Variants in PLPPR1 observed in about 807,000 individuals in gnomAD.
PLPPR1 encodes phospholipid phosphatase-related protein type 1.
A neutral mutation model predicts 33.1 loss-of-function variants in PLPPR1; 10 were observed. That is an observed-to-expected ratio of 0.30 (90% CI 0.19 to 0.51). PLPPR1 has a LOEUF of 0.51. Among genes scored for constraint, PLPPR1 ranks in the 20% least tolerant of loss-of-function variants. The pLI, the probability that PLPPR1 is intolerant of heterozygous loss-of-function variation, is 0.97. For missense variants in PLPPR1, 304 were observed against 408.1 expected, an observed-to-expected ratio of 0.74 and a Z score of 2.20; for synonymous variants, 151 against 151.0, an observed-to-expected ratio of 1.00 and a Z score of 0.00.
intron 1 of PLPPR1, among the ~76,000 whole-genome samples, chr9:101,112,599 C>G (rs577967183): frequency 6.6e-6 from 1 of 152,310 alleles, no homozygotes; most frequent in South Asian, 2.1e-4. Context: ...ACATGCAGAA[C>G]CCCCACATGA....
chr9:101,253,794 CA>C (rs1219778173), intron 2 of PLPPR1, among the ~76,000 whole-genome samples: 9 of 152,072 alleles, frequency 5.9e-5, no homozygotes, highest in African/African-American at 2.2e-4. Flanking sequence ...GTATGTGGTT[CA>C]GTCATTTGAT....
intron 6 of PLPPR1, among the ~76,000 whole-genome samples, chr9:101,317,111 C>CT (rs1829068912): frequency 6.6e-6 from 1 of 152,180 alleles, no homozygotes; most frequent in Non-Finnish European, 1.5e-5. Flanking sequence ...CATTACAAAT[C>CT]TGTGAAGTGG....
intron 1 of PLPPR1, among the ~76,000 whole-genome samples, chr9:101,162,959 C>T (rs546584847): frequency 6.6e-6 from 1 of 152,294 alleles, no homozygotes; most frequent in African/African-American, 2.4e-5. Context: ...CACCGGCTGA[C>T]ATATAGCCTG....
intron 2 of PLPPR1, among the ~76,000 whole-genome samples, chr9:101,217,357 AG>A (rs934748193): frequency 6.6e-6 from 1 of 152,242 alleles, no homozygotes; most frequent in Non-Finnish European, 1.5e-5. Context: ...ATATATACCA[AG>A]GGTTAGCAAA....
At chr9:101,282,614 T>A (rs1484650406) in intron 3 of PLPPR1, among the ~76,000 whole-genome samples, 1 of 152,176 alleles carries the variant, frequency 6.6e-6, no homozygotes, top group African/African-American at 2.4e-5. Flanking sequence ...GCAAAAACAT[T>A]AAATTTTCCT....
intron 1 of PLPPR1, chr9:101,125,453 T>A (rs528172152): frequency 4.2e-6 from 1 of 238,486 alleles, no homozygotes; most frequent in East Asian, 1.0e-4. Flanking sequence ...AAACCTTTTT[T>A]ATGACCCTGG....
At chr9:101,165,271 A>G (rs895266682) in intron 1 of PLPPR1, among the ~76,000 whole-genome samples, 4 of 152,220 alleles carry the variant, frequency 2.6e-5, no homozygotes, top group Non-Finnish European at 4.4e-5. Flanking sequence ...TGTCATTGAC[A>G]TAATGTTGCC....
At chr9:101,250,159 T>G (rs776799449) in intron 2 of PLPPR1, among the ~76,000 whole-genome samples, 2 of 152,004 alleles carry the variant, frequency 1.3e-5, no homozygotes, top group African/African-American at 4.8e-5. Context: ...ACAGAAGATC[T>G]AGCTCTTCCT....
At chr9:101,110,082 A>G (rs1362703960) in intron 1 of PLPPR1, among the ~76,000 whole-genome samples, 2 of 152,208 alleles carry the variant, frequency 1.3e-5, no homozygotes, top group Non-Finnish European at 2.9e-5. Context: ...TTCAAAAGCA[A>G]TATAATATGT....
At chr9:101,231,926 T>C (rs925995841) in intron 2 of PLPPR1, among the ~76,000 whole-genome samples, 1 of 152,090 alleles carries the variant, frequency 6.6e-6, no homozygotes, top group African/African-American at 2.4e-5. Context: ...TTCTATCTTA[T>C]ACTTCAAACT....
intron 1 of PLPPR1, among the ~76,000 whole-genome samples, chr9:101,149,326 G>A (rs1487767015): frequency 1.3e-5 from 2 of 152,124 alleles, no homozygotes; most frequent in Non-Finnish European, 2.9e-5. Context: ...AATTCCTCAA[G>A]AGTTCAGTCT....
At chr9:101,054,033 A>C (rs1003676718) in intron 1 of PLPPR1, among the ~76,000 whole-genome samples, 1 of 151,950 alleles carries the variant, frequency 6.6e-6, no homozygotes, top group Non-Finnish European at 1.5e-5. Flanking sequence ...AAAATACAAA[A>C]ATTAGCTGGG....
chr9:101,036,146 T>G (rs905963163), intron 1 of PLPPR1, among the ~76,000 whole-genome samples: 30 of 152,184 alleles, frequency 2.0e-4, no homozygotes, highest in Non-Finnish European at 1.5e-4. Flanking sequence ...TTAAATTTTG[T>G]GCCCAATGCA....
intron 1 of PLPPR1, among the ~76,000 whole-genome samples, chr9:101,106,656 T>C (rs1301997821): frequency 1.9e-5 from 1 of 52,614 alleles, no homozygotes; most frequent in Non-Finnish European, 3.2e-5. Flanking sequence ...GGAGTATCTT[T>C]GTGGCGTTCT....
chr9:101,236,536 T>A (rs375811115), intron 2 of PLPPR1, among the ~76,000 whole-genome samples: 43 of 148,700 alleles, frequency 2.9e-4, no homozygotes, highest in African/African-American at 9.8e-4. Flanking sequence ...CTCTCTAAAC[T>A]CACACACACA....
intron 7 of PLPPR1, among the ~76,000 whole-genome samples, chr9:101,319,374 T>C (rs146263747): frequency 0.036 from 5,499 of 152,212 alleles, 344 homozygotes; most frequent in African/African-American, 0.12. Context: ...GACGGTTTTT[T>C]GCCATGTTGG....
At chr9:101,169,735 A>C (rs1825912265) in intron 1 of PLPPR1, among the ~76,000 whole-genome samples, 1 of 152,128 alleles carries the variant, frequency 6.6e-6, no homozygotes. Flanking sequence ...AAATAATCTA[A>C]AGTGATTTTT....
chr9:101,164,386 A>G (rs901701200), intron 1 of PLPPR1, among the ~76,000 whole-genome samples: 2 of 145,044 alleles, frequency 1.4e-5, no homozygotes, highest in African/African-American at 5.1e-5. Context: ...TTTCTGAGAC[A>G]GTGTCTTGCT....
At chr9:101,152,078 A>T (rs931625311) in intron 1 of PLPPR1, among the ~76,000 whole-genome samples, 5 of 152,132 alleles carry the variant, frequency 3.3e-5, no homozygotes, top group African/African-American at 1.2e-4. Context: ...TGACTTTTTA[A>T]TGATCGCCAT....
Sources: gnomAD v4.1 joint callset for allele counts (sites outside exome capture counted in the v4.1 genomes callset) on GRCh38, gnomAD v4.1.1 for gene constraint, MANE v1.5 for transcripts, NCBI Gene and HGNC (gene_info 2026-07-23, HGNC 2026-07-21) for gene names.